ERI2: variants seen among roughly 807,000 people sequenced by gnomAD.
ERI2 encodes the protein ERI1 exoribonuclease 2.
ERI2 carries 35 observed loss-of-function variants against 46.8 expected under a neutral mutation model. The ratio of observed to expected loss-of-function variants is 0.75; its 90% CI spans 0.57 to 0.99. The LOEUF is 0.99. Ranked by LOEUF, ERI2 falls within the 50% of genes least tolerant of loss-of-function variation. The pLI is 0.00. For synonymous variants in ERI2, 224 were observed against 271.0 expected (o/e 0.83, Z 1.70); for missense variants, 695 against 796.2 (o/e 0.87, Z 1.53).
chr16:20,790,471 T>A lies in ERI2; in HGVS notation c.815+379A>T. The A allele has an allele frequency of 1.0e-6, 1 of 999,756 alleles. No individual in the cohort carries two copies. Among genetic ancestry groups the A allele is most frequent in the Non-Finnish European group, 1.5e-6 (1 of 673,750 alleles). The allele number at this position is 999,756 out of a possible 1,614,324, so 61.9% of individuals were successfully genotyped here. Reference sequence around the variant, plus strand: ...GACCTTGTCTCACACACACAAAATTTTTTTTAAGTCTTCATTTTTAAATGG... The same window carrying A: ...GACCTTGTCTCACACACACAAAATTATTTTTAAGTCTTCATTTTTAAATGG... On this transcript the variant is annotated intron_variant, in intron 9 of 10. Coordinates refer to the ERI2 transcript ENST00000300005. This position sits in a 1 kb window ranked among gnomAD's most constrained non-coding sequence, Gnocchi z 4.0.
chr16:20,799,657 T>C (rs1009772973), intron 7 of ERI2: 5 of 469,092 alleles, frequency 1.1e-5, no homozygotes, highest in Non-Finnish European at 1.9e-5. Flanking sequence ...CTAATAGTCT[T>C]GTTCAGTTTT....
At position 20,801,220 on chromosome 16, in the gene ERI2, G is replaced by A. The variant is rs777544626; in HGVS notation, c.443C>T (p.Ala148Val). 2 of 1,610,868 alleles carry A rather than the reference G, an allele frequency of 1.2e-6. No individual in the cohort carries two copies. Among genetic ancestry groups the A allele is most frequent in the East Asian group, 2.2e-5 (1 of 44,652 alleles). The change falls in exon 5 of 9, where the codon GCA becomes GTA. Residue 148 changes from alanine to valine, a missense_variant. Coordinates refer to ENST00000357967, the MANE Select transcript of ERI2 (RefSeq NM_001142725.2). ...EPSASEVKLC[A>V]FVTWSDWDLG... ...TTCTTTACCTGACCAAGTAACAAAT[G>A]CACATAATTTTACTTCAGAAGCAGA...
Position 20,796,461 on chromosome 16 carries a change from C to T in ERI2, c.*1263G>A, listed in dbSNP as rs2080726048. 6 of 1,613,630 alleles carry T rather than the reference C, an allele frequency of 3.7e-6. No homozygotes were observed. In the South Asian group the frequency reaches 5.5e-5, roughly 15 times the overall value. On this transcript the variant is annotated 3_prime_UTR_variant, in exon 9 of 9. Transcript: ENST00000357967. ...GAGATTCAGGAGCATGTTAAAAAAA[C>T]TACAGCACCTTACAAATATCCCAGA...
intron 1 of ERI2, 133 bp from the exon 2 acceptor site, chr16:20,803,803 T>A (rs986817681): frequency 2.7e-6 from 3 of 1,094,682 alleles, no homozygotes; most frequent in Non-Finnish European, 3.9e-6. Flanking sequence ...AACTGGACTT[T>A]GGCTTTACCT....
At chr16:20,800,202 G>C in intron 6 of ERI2, 100 bp downstream of exon 6, 1 of 911,128 alleles carries the variant, frequency 1.1e-6, no homozygotes, top group Non-Finnish European at 1.7e-6. Flanking sequence ...CAGTACAAAA[G>C]AAAGTATCTT....
At chr16:20,795,312 G>A (rs1334600498), downstream of ERI2, among the ~76,000 whole-genome samples, 8 of 152,164 alleles carry the variant, frequency 5.3e-5, no homozygotes, top group Admixed American at 5.2e-4. Context: ...GACCCACTGT[G>A]CCTGGCCACA....
downstream of ERI2, among the ~76,000 whole-genome samples, chr16:20,793,212 T>C (rs544472099): frequency 6.6e-6 from 1 of 152,306 alleles, no homozygotes; most frequent in African/African-American, 2.4e-5. Context: ...CTCACACCTG[T>C]AATCCTAGCA....
downstream of ERI2, chr16:20,792,454 G>T (rs564189607): frequency 6.5e-7 from 1 of 1,541,352 alleles, no homozygotes. Context: ...ATGCAAGTCA[G>T]ATAGAAATAT....
Position 20,802,821 on chromosome 16 carries a change from C to G in ERI2, c.278G>C (p.Cys93Ser), listed in dbSNP as rs1182216025. 1.9e-6 allele frequency: 3 copies of G among 1,610,172 alleles called. No homozygotes were observed. The African/African-American group carries it at 4.0e-5, about 22-fold the overall frequency. Residue 93 changes from cysteine (C) to serine (S), a missense_variant, in exon 4 of 9, where the codon TGC becomes TCC. Cys to Ser is a moderately radical substitution (Grantham distance 112, BLOSUM62 -1). Coordinates refer to ENST00000357967, the MANE Select transcript of ERI2 (RefSeq NM_001142725.2). ...PQEHPILSEF[C>S]MELTGIKQAQ... ...CTGCTTTATGCCTGTCAATTCCATGCAAAATTCTGAAAGAATTGGATGTTC... is the reference window on the plus strand; with the variant it reads ...CTGCTTTATGCCTGTCAATTCCATGGAAAATTCTGAAAGAATTGGATGTTC...
At position 20,796,953 on chromosome 16, in the gene ERI2, A is replaced by C. The variant is rs150817107; in HGVS notation, c.*771T>G. 1.2e-6 allele frequency: 2 copies of C among 1,612,894 alleles called. No individual in the cohort carries two copies. Among genetic ancestry groups the C allele is most frequent in the South Asian group, 1.1e-5 (1 of 90,830 alleles). On this transcript the variant is annotated 3_prime_UTR_variant, in exon 9 of 9. Transcript: ENST00000357967. Reference sequence around the variant, plus strand: ...ACAAAAAGAAATGAACTGAGGAAGAAAGAATGGAAGACAATTTAAAGTTGT... The same window carrying C: ...ACAAAAAGAAATGAACTGAGGAAGACAGAATGGAAGACAATTTAAAGTTGT...
chr16:20,798,916 A>C lies in ERI2; in HGVS notation c.884T>G (p.Met295Arg). 1 of 1,551,158 alleles carries C rather than the reference A, an allele frequency of 6.4e-7. No individual in the cohort carries two copies. Among genetic ancestry groups the C allele is most frequent in the South Asian group, 1.2e-5 (1 of 83,786 alleles). Residue 295 changes from methionine to arginine, a missense_variant, in exon 9 of 9, where the codon ATG becomes AGG. Coordinates refer to ENST00000357967, the MANE Select transcript of ERI2 (RefSeq NM_001142725.2). ...NIINPHEKVQ[M>R]KSICANSPIK... ...AGGAGAATTTGCACAAATTGACTTC[A>C]TTTGAACTTTTTCATGAGGATTTAT... is the stretch of plus-strand genomic sequence containing the variant.
Position 20,796,992 on chromosome 16 carries a change from A to G in ERI2, c.*732T>C, listed in dbSNP as rs756648281. 3.1e-6 allele frequency: 5 copies of G among 1,608,692 alleles called. No homozygotes were observed. Among genetic ancestry groups the G allele is most frequent in the Admixed American group, 3.4e-5 (2 of 58,982 alleles). Reference sequence around the variant, plus strand: ...ATTTAAAGTTGTTTCATTAATTACCATATCTATAAAACAAACATAGTATCT... The same window carrying G: ...ATTTAAAGTTGTTTCATTAATTACCGTATCTATAAAACAAACATAGTATCT... On this transcript the variant is annotated 3_prime_UTR_variant, in exon 9 of 9. Coordinates refer to ENST00000357967, the MANE Select transcript of ERI2 (RefSeq NM_001142725.2).
At chr16:20,782,212 C>T (rs569292885) in intron 10 of ERI2, among the ~76,000 whole-genome samples, 6 of 152,236 alleles carry the variant, frequency 3.9e-5, no homozygotes, top group African/African-American at 9.6e-5. Context: ...AAACAACCCC[C>T]GTTTCTCTTT....
chr16:20,796,202 A>G (rs1407618235), downstream of ERI2: 1 of 1,195,334 alleles, frequency 8.4e-7, no homozygotes. Flanking sequence ...TGTATTAGGT[A>G]CAGACCAGGA....
chr16:20,796,893 T>A lies in ERI2; in HGVS notation c.*831A>T. On this transcript the variant is annotated 3_prime_UTR_variant, in exon 9 of 9. Transcript: ENST00000357967. The stretch of plus-strand genomic sequence containing the variant: ...TCCCCTTGATGCCAACAGGTAGAAT[T>A]TATTCAAGAGCTGCCAAAGACTATC... 2 of 1,612,120 alleles carry A rather than the reference T, an allele frequency of 1.2e-6. No individual in the cohort carries two copies. The highest frequency in any genetic ancestry group is 1.7e-6 in the Non-Finnish European group (2 of 1,179,344).
chr16:20,791,725 G>A (rs1347948989), downstream of ERI2, among the ~76,000 whole-genome samples: 5 of 152,196 alleles, frequency 3.3e-5, no homozygotes, highest in South Asian at 1.0e-3. Flanking sequence ...TAAGGAGCTC[G>A]ACACCAGCCT....
In ERI2 at chr16:20,806,438, A is replaced by G. The variant is rs1375928484; in HGVS notation, c.-8T>C. The stretch of plus-strand genomic sequence containing the variant: ...GAGCCGCTTGGTCGCCATTCCCGAC[A>G]CTCCTTGCTTTTCCAAGTCCAGCTG... On this transcript the variant is annotated 5_prime_UTR_variant, in exon 1 of 9. Coordinates refer to ENST00000357967, the MANE Select transcript of ERI2 (RefSeq NM_001142725.2). The G allele has an allele frequency of 6.4e-7, 1 of 1,551,038 alleles. No homozygotes were observed.
chr16:20,786,682 C>A (rs2080481240), intron 10 of ERI2, among the ~76,000 whole-genome samples: 1 of 152,116 alleles, frequency 6.6e-6, no homozygotes, highest in Admixed American at 6.6e-5. Context: ...GACCCTGTCT[C>A]TAAATAAATA....
At chr16:20,787,960 C>A (rs1469670325) in intron 10 of ERI2, among the ~76,000 whole-genome samples, 2 of 152,140 alleles carry the variant, frequency 1.3e-5, no homozygotes, top group African/African-American at 4.8e-5. Flanking sequence ...CAAATAATAA[C>A]AGAACTGATT....
Sources: allele counts gnomAD v4.1 joint callset (sites outside exome capture counted in the v4.1 genomes callset), GRCh38; gene constraint gnomAD v4.1.1; non-coding constraint Gnocchi (gnomAD v3.1); transcripts MANE v1.5; gene names NCBI Gene and HGNC (gene_info 2026-07-23, HGNC 2026-07-21).